The following CNBD1 variants were observed in gnomAD, a reference collection of about 807,000 sequenced individuals.
CNBD1 encodes cyclic nucleotide binding domain containing 1, also known as cyclic nucleotide-binding domain-containing protein 1.
Under a neutral mutation model 54.4 loss-of-function variants are expected in CNBD1, and 71 were observed. The observed-to-expected ratio is 1.30, with a 90% CI of 1.08 to 1.59. The LOEUF (loss-of-function observed/expected upper bound fraction) is 1.59, where lower values mean the gene tolerates loss of function less well. Ranked by LOEUF, CNBD1 falls within the 40% of genes most tolerant of loss-of-function variation. The pLI, the probability that CNBD1 is intolerant of heterozygous loss-of-function variation, is 0.00. For synonymous variants in CNBD1, 182 were observed against 170.7 expected (o/e 1.07, Z -0.51); for missense variants, 659 against 518.0 (o/e 1.27, Z -2.64).
At chr8:86,900,822 C>T (rs1313381490) in intron 2 of CNBD1, among the ~76,000 whole-genome samples, 1 of 152,132 alleles carries the variant, frequency 6.6e-6, no homozygotes, top group South Asian at 2.1e-4. Context: ...ATCAATATCT[C>T]TCTAAGAGGT....
At chr8:87,297,757 A>G (rs1808908276) in intron 8 of CNBD1, among the ~76,000 whole-genome samples, 1 of 151,958 alleles carries the variant, frequency 6.6e-6, no homozygotes, top group Admixed American at 6.6e-5. Context: ...TTTACCTGTA[A>G]TATTTTAATT....
intron 8 of CNBD1, among the ~76,000 whole-genome samples, chr8:87,330,906 A>T (rs898787051): frequency 1.3e-5 from 2 of 152,182 alleles, no homozygotes; most frequent in African/African-American, 2.4e-5. Flanking sequence ...TAGGTTTCTC[A>T]TAGCCAACAT....
chr8:86,931,717 A>G (rs1438103924), intron 3 of CNBD1, among the ~76,000 whole-genome samples: 1 of 152,170 alleles, frequency 6.6e-6, no homozygotes, highest in Non-Finnish European at 1.5e-5. Flanking sequence ...TTCAGGGCCC[A>G]GGACTAGCTT....
rs138081787 is a variant in CNBD1, at chr8:87,336,188, C to T, written c.1043-15497C>T. On this transcript the variant is annotated intron_variant, in intron 8 of 10. Transcript: ENST00000518476. ...GATTATGTGTCTTGGGGTTGATCTTCTCATGGAGTGTCTTAGTGGAGTTCT... is the reference window on the plus strand; with the variant it reads ...GATTATGTGTCTTGGGGTTGATCTTTTCATGGAGTGTCTTAGTGGAGTTCT... Among the ~76,000 whole-genome samples the T allele has an allele frequency of 2.8e-3, 431 of 152,184 alleles. 4 individuals carry two copies. Among genetic ancestry groups the T allele is most frequent in the African/African-American group, 9.3e-3 (386 of 41,530 alleles).
At chr8:87,218,269 G>C (rs1814255220) in intron 5 of CNBD1, among the ~76,000 whole-genome samples, 1 of 152,022 alleles carries the variant, frequency 6.6e-6, no homozygotes, top group South Asian at 2.1e-4. Context: ...GCATTAACTA[G>C]CATTGGAGGT....
At chr8:87,354,221 G>A (rs984823933) in intron 10 of CNBD1, among the ~76,000 whole-genome samples, 12 of 151,854 alleles carry the variant, frequency 7.9e-5, no homozygotes, top group Non-Finnish European at 1.0e-4. Flanking sequence ...TTAGGATAAT[G>A]GTATAGTAAT....
chr8:87,340,684 A>T (rs1275177236), intron 8 of CNBD1, among the ~76,000 whole-genome samples: 1 of 151,958 alleles, frequency 6.6e-6, no homozygotes, highest in East Asian at 1.9e-4. Context: ...TTCACTGATT[A>T]ATTTGCTTTA....
intron 5 of CNBD1, among the ~76,000 whole-genome samples, chr8:87,234,065 T>C (rs76972941): frequency 0.04 from 6,076 of 152,280 alleles, 208 homozygotes; most frequent in Non-Finnish European, 0.062. Context: ...CCTTATTTGG[T>C]TTAAGTTTTA....
intron 4 of CNBD1, among the ~76,000 whole-genome samples, chr8:86,951,511 C>G (rs1387005953): frequency 8.0e-6 from 1 of 125,222 alleles, no homozygotes; most frequent in African/African-American, 3.0e-5. Context: ...ACCTGGGAGG[C>G]AGAGGTTTCA....
chr8:87,229,155 TC>T (rs531636090), intron 5 of CNBD1, among the ~76,000 whole-genome samples: 128 of 152,240 alleles, frequency 8.4e-4, no homozygotes, highest in African/African-American at 3.0e-3. Flanking sequence ...TGTCTGGCAC[TC>T]CCTAGTGAGA....
chr8:87,106,895 T>A (rs911759021), intron 4 of CNBD1, among the ~76,000 whole-genome samples: 3 of 151,836 alleles, frequency 2.0e-5, no homozygotes, highest in Non-Finnish European at 1.5e-5. Flanking sequence ...AGTGGTGTGA[T>A]CTCGGCTTAC....
intron 4 of CNBD1, among the ~76,000 whole-genome samples, chr8:87,152,439 T>TAAA (rs5893013): frequency 7.2e-6 from 1 of 138,200 alleles, no homozygotes; most frequent in Non-Finnish European, 1.6e-5. Context: ...GCTGATGAGC[T>TAAA]AAAAAAAAAA....
At chr8:87,178,125 C>G (rs1164172180) in intron 4 of CNBD1, among the ~76,000 whole-genome samples, 4 of 152,126 alleles carry the variant, frequency 2.6e-5, no homozygotes, top group African/African-American at 7.2e-5. Context: ...GTTCTAAATG[C>G]CAGACACTCT....
At chr8:87,303,171 A>G (rs1380342746) in intron 8 of CNBD1, among the ~76,000 whole-genome samples, 1 of 151,826 alleles carries the variant, frequency 6.6e-6, no homozygotes, top group Non-Finnish European at 1.5e-5. Context: ...AAGAGCCTGC[A>G]TTGCCAAGTC....
At chr8:87,373,915 A>C (rs1810871535) in intron 10 of CNBD1, among the ~76,000 whole-genome samples, 1 of 151,792 alleles carries the variant, frequency 6.6e-6, no homozygotes, top group Non-Finnish European at 1.5e-5. Flanking sequence ...TTCATGATTA[A>C]TTTAAATATT....
At position 87,071,040 on chromosome 8, in the gene CNBD1, G is replaced by A. The variant is rs565295414; in HGVS notation, c.431+131286G>A. Among the ~76,000 whole-genome samples the A allele has an allele frequency of 7.9e-5, 12 of 151,834 alleles. No homozygotes were observed. In the South Asian group the frequency reaches 8.3e-4, roughly 11 times the overall value. ...AATTATTCTTTGGAAGAGAAATTTC[G>A]ACTGATGATTAAAAAAACAGTTTTT... On this transcript the variant is annotated intron_variant, in intron 4 of 10. Coordinates refer to ENST00000518476, the MANE Select transcript of CNBD1 (RefSeq NM_173538.3).
At chr8:87,260,432 G>A (rs1289729202) in intron 6 of CNBD1, among the ~76,000 whole-genome samples, 2 of 152,084 alleles carry the variant, frequency 1.3e-5, no homozygotes, top group South Asian at 2.1e-4. Context: ...TTTTCCTAAG[G>A]TACTCCTGGA....
At chr8:87,340,403 G>T (rs929711296) in intron 8 of CNBD1, among the ~76,000 whole-genome samples, 7 of 152,028 alleles carry the variant, frequency 4.6e-5, no homozygotes, top group Non-Finnish European at 1.0e-4. Flanking sequence ...TATTTTATTT[G>T]GGAGGCATTG....
chr8:87,192,076 T>C (rs2130786591), intron 4 of CNBD1, among the ~76,000 whole-genome samples: 1 of 152,270 alleles, frequency 6.6e-6, no homozygotes, highest in Middle Eastern at 3.4e-3. Flanking sequence ...GTCTGTTCTA[T>C]CAAAATGATA....
Sources: gnomAD v4.1 joint callset for allele counts (sites outside exome capture counted in the v4.1 genomes callset) on GRCh38, gnomAD v4.1.1 for gene constraint, MANE v1.5 for transcripts, NCBI Gene and HGNC (gene_info 2026-07-23, HGNC 2026-07-21) for gene names.